Variants in DOK5 observed in about 807,000 individuals in gnomAD.
DOK5 encodes the protein docking protein 5.
DOK5 carries 27 observed loss-of-function variants against 43.3 expected under a neutral mutation model. The ratio of observed to expected loss-of-function variants is 0.62; its 90% CI spans 0.46 to 0.86. The LOEUF is 0.86. Ranked by LOEUF, DOK5 falls within the 40% of genes least tolerant of loss-of-function variation. The pLI, the probability that DOK5 is intolerant of heterozygous loss-of-function variation, is 0.00. For synonymous variants in DOK5, 146 were observed against 140.1 expected, an observed-to-expected ratio of 1.04 and a Z score of -0.30; for missense variants, 373 against 392.9, an observed-to-expected ratio of 0.95 and a Z score of 0.43.
At chr20:54,559,784 T>C (rs1426839331) in intron 2 of DOK5, among the ~76,000 whole-genome samples, 1 of 152,242 alleles carries the variant, frequency 6.6e-6, no homozygotes, top group Non-Finnish European at 1.5e-5. Flanking sequence ...CTTTCATGTG[T>C]TAACTTATTG....
intron 2 of DOK5, among the ~76,000 whole-genome samples, chr20:54,577,396 T>C (rs1250492595): frequency 1.3e-5 from 2 of 152,202 alleles, no homozygotes; most frequent in African/African-American, 4.8e-5. Flanking sequence ...TCCGCATCCA[T>C]ATAATGGGTC....
intron 7 of DOK5, among the ~76,000 whole-genome samples, chr20:54,644,705 C>CA (rs71196460): frequency 0.044 from 671 of 15,092 alleles, 6 homozygotes; most frequent in African/African-American, 0.09. Flanking sequence ...GACTCCGTCT[C>CA]AAAAAAAAAA....
chr20:54,534,905 C>G (rs1466475404), intron 1 of DOK5, among the ~76,000 whole-genome samples: 1 of 151,616 alleles, frequency 6.6e-6, no homozygotes, highest in Non-Finnish European at 1.5e-5. Flanking sequence ...GGCACGATCT[C>G]GGCTCACTCC....
chr20:54,650,740 C>T lies in DOK5; in HGVS notation c.*261C>T. On this transcript the variant is annotated 3_prime_UTR_variant, in exon 8 of 8. Transcript: ENST00000262593. ...CTTTTACAGCTGGACAGAAAGAAGT[C>T]AATGTCACGAAATGATTTTCTATTG... is the stretch of plus-strand genomic sequence containing the variant. The T allele has an allele frequency of 2.9e-6, 1 of 342,912 alleles. No homozygotes were observed. The highest frequency in any genetic ancestry group is 5.3e-6 in the Non-Finnish European group (1 of 190,418). The allele number at this position is 342,912 out of a possible 1,614,324, so 21.2% of individuals were successfully genotyped here.
Position 54,618,970 on chromosome 20 carries a change from T to C in DOK5, c.735+8447T>C, listed in dbSNP as rs1286731956. ...AGATCCAGGCTGCAGTGAGCTATGATAGTGCTACTGCCCTCCAGCCTGGGC... is the reference window on the plus strand; with the variant it reads ...AGATCCAGGCTGCAGTGAGCTATGACAGTGCTACTGCCCTCCAGCCTGGGC... On this transcript the variant is annotated intron_variant, in intron 6 of 7. Coordinates refer to ENST00000262593, the MANE Select transcript of DOK5 (RefSeq NM_018431.5). Among the ~76,000 whole-genome samples, 11 of 140,134 alleles carry C rather than the reference T, an allele frequency of 7.8e-5. No homozygotes were observed. The East Asian group carries it at 2.0e-3, about 26-fold the overall frequency. The allele number at this position is 140,134 out of a possible 152,430, so 91.9% of individuals were successfully genotyped here.
intron 2 of DOK5, among the ~76,000 whole-genome samples, chr20:54,570,595 T>C (rs1985252272): frequency 6.6e-6 from 1 of 152,112 alleles, no homozygotes; most frequent in African/African-American, 2.4e-5. Context: ...TAAATCATCA[T>C]CTGTAAATTA....
intron 6 of DOK5, among the ~76,000 whole-genome samples, chr20:54,626,078 T>G (rs572593508): frequency 1.3e-4 from 20 of 152,342 alleles, no homozygotes; most frequent in Admixed American, 9.1e-4. Context: ...ACTAGCTGTC[T>G]GACCAGACAC....
intron 2 of DOK5, among the ~76,000 whole-genome samples, chr20:54,567,322 A>G (rs1413317316): frequency 6.6e-6 from 1 of 152,178 alleles, no homozygotes; most frequent in African/African-American, 2.4e-5. Flanking sequence ...TAAGTTTTAC[A>G]TTTAAATATG....
intron 1 of DOK5, among the ~76,000 whole-genome samples, chr20:54,503,523 C>T (rs1982688941): frequency 1.3e-5 from 2 of 152,086 alleles, no homozygotes; most frequent in Non-Finnish European, 2.9e-5. Flanking sequence ...ATCCTCTTCA[C>T]AGTCTTTGTC....
rs1568771310 is a variant in DOK5, at chr20:54,534,843, CTTTCT to C, written c.67-20086_67-20082del. ...TGTTTCTTTCTTTCTTTCTTTCTTTCTTTCTTTTTTTGAGATGGAGTCTCACTCTG... is the reference window on the plus strand; with the variant it reads ...TGTTTCTTTCTTTCTTTCTTTCTTTCTTTTTTGAGATGGAGTCTCACTCTG... On this transcript the variant is annotated intron_variant, in intron 1 of 7. Transcript: ENST00000262593. 2.1e-4 allele frequency among the ~76,000 whole-genome samples: 31 copies of C among 144,674 alleles called. No homozygotes were observed. In the East Asian group the frequency reaches 6.1e-3, roughly 28 times the overall value. 94.9% of individuals were successfully genotyped at this position (144,674 alleles called of 152,430 possible).
chr20:54,475,718 C>A lies in DOK5; in HGVS notation c.-229C>A. The stretch of plus-strand genomic sequence containing the variant: ...GCGCTCCAGCCTCGCCTCCCCGCGC[C>A]GCGCTCTGCGCTCCCCGAAAGTGGC... On this transcript the variant is annotated 5_prime_UTR_variant, in exon 1 of 8. Coordinates refer to ENST00000262593, the MANE Select transcript of DOK5 (RefSeq NM_018431.5). This position sits in a 1 kb window ranked among gnomAD's most constrained non-coding sequence, Gnocchi z 4.2. 5.1e-6 allele frequency: 3 copies of A among 592,324 alleles called. No individual in the cohort carries two copies. Among genetic ancestry groups the A allele is most frequent in the East Asian group, 6.0e-5 (2 of 33,064 alleles). 36.7% of individuals were successfully genotyped at this position (592,324 alleles called of 1,614,324 possible).
intron 1 of DOK5, 135 bp downstream of exon 1, chr20:54,476,147 C>T (rs758504848): frequency 1.4e-5 from 22 of 1,528,354 alleles, no homozygotes; most frequent in Non-Finnish European, 1.4e-5. Context: ...CAGCCGAAAC[C>T]CGCGTCTCCG....
intron 1 of DOK5, among the ~76,000 whole-genome samples, chr20:54,495,836 C>G (rs1982369899): frequency 6.6e-6 from 1 of 152,064 alleles, no homozygotes; most frequent in Non-Finnish European, 1.5e-5. Flanking sequence ...GAGCCGAGAT[C>G]ATGCCATTGC....
chr20:54,487,324 C>A (rs544011151), intron 1 of DOK5, among the ~76,000 whole-genome samples: 26 of 152,090 alleles, frequency 1.7e-4, no homozygotes, highest in Admixed American at 5.2e-4. Flanking sequence ...CAGCTCACAG[C>A]GTCATGTTTC....
intron 6 of DOK5, among the ~76,000 whole-genome samples, chr20:54,617,472 G>A (rs1986850925): frequency 1.3e-5 from 2 of 152,022 alleles, no homozygotes; most frequent in Admixed American, 1.3e-4. Flanking sequence ...GCATCACCAT[G>A]TCTGGTTCCT....
chr20:54,642,906 C>T (rs550960849), intron 6 of DOK5, among the ~76,000 whole-genome samples: 10 of 152,298 alleles, frequency 6.6e-5, no homozygotes, highest in East Asian at 3.9e-4. Flanking sequence ...CTCACTGTCA[C>T]GTGGTCCCTT....
intron 1 of DOK5, among the ~76,000 whole-genome samples, chr20:54,553,226 C>T (rs1160612251): frequency 6.6e-6 from 1 of 152,140 alleles, no homozygotes; most frequent in Non-Finnish European, 1.5e-5. Context: ...GACGGAGTCT[C>T]GCTCTGTCGC....
chr20:54,511,163 C>T (rs1983004410), intron 1 of DOK5, among the ~76,000 whole-genome samples: 1 of 152,178 alleles, frequency 6.6e-6, no homozygotes, highest in Non-Finnish European at 1.5e-5. Context: ...ATCAATGCTG[C>T]ATTGACCACT....
chr20:54,591,502 C>A (rs1985971783), intron 4 of DOK5, 114 bp from the exon 5 acceptor site: 7 of 779,812 alleles, frequency 9.0e-6, no homozygotes, highest in Non-Finnish European at 1.4e-5. Flanking sequence ...TCTGAATATG[C>A]AACCGAAATC....
Sources: gnomAD v4.1 joint callset for allele counts (sites outside exome capture counted in the v4.1 genomes callset) on GRCh38, gnomAD v4.1.1 for gene constraint, Gnocchi (gnomAD v3.1) non-coding constraint, MANE v1.5 for transcripts, NCBI Gene and HGNC (gene_info 2026-07-23, HGNC 2026-07-21) for gene names.